The following HECTD2 variants were observed in gnomAD, a reference collection of about 807,000 sequenced individuals.
HECTD2 encodes probable E3 ubiquitin-protein ligase HECTD2.
In HECTD2, 35 loss-of-function variants were observed where a neutral mutation model predicts 103.2. That is an observed-to-expected ratio of 0.34 (90% CI 0.26 to 0.45). HECTD2 has a LOEUF of 0.45. Ranked by LOEUF, HECTD2 falls within the 20% of genes least tolerant of loss-of-function variation. HECTD2 has a pLI of 1.00. For synonymous variants in HECTD2, 281 were observed against 329.9 expected, an observed-to-expected ratio of 0.85 and a Z score of 1.61; for missense variants, 596 against 937.4, an observed-to-expected ratio of 0.64 and a Z score of 4.76.
chr10:91,469,437 G>A (rs1845648911), intron 5 of HECTD2, among the ~76,000 whole-genome samples: 1 of 152,188 alleles, frequency 6.6e-6, no homozygotes, highest in African/African-American at 2.4e-5. Flanking sequence ...AGAAGAGATT[G>A]GGAGCCTATA....
intron 20 of HECTD2, among the ~76,000 whole-genome samples, chr10:91,508,515 A>G (rs1390771184): frequency 6.6e-6 from 1 of 151,398 alleles, no homozygotes; most frequent in Admixed American, 6.6e-5. Flanking sequence ...CAAAAAACAC[A>G]TGAAAAAATG....
At chr10:91,497,271 C>T (rs1320056470) in intron 15 of HECTD2, among the ~76,000 whole-genome samples, 1 of 147,644 alleles carries the variant, frequency 6.8e-6, no homozygotes, top group African/African-American at 2.5e-5. Context: ...CCACTGAGCC[C>T]AGCCAGAAAA....
At chr10:91,413,626 A>G (rs1340836807) in intron 1 of HECTD2, among the ~76,000 whole-genome samples, 3 of 152,240 alleles carry the variant, frequency 2.0e-5, no homozygotes, top group East Asian at 3.8e-4. Flanking sequence ...TACTGAATCA[A>G]AAGCTCCATG....
In HECTD2 at chr10:91,435,922, C is replaced by T. The variant is rs540631230; in HGVS notation, c.268+10512C>T. On this transcript the variant is annotated intron_variant, in intron 2 of 20. Transcript: ENST00000298068. ...TTACTTGTATTTCTCTTCTCTTTTGCTTTATGATTTAGGGAATATTCTCAA... is the reference window on the plus strand; with the variant it reads ...TTACTTGTATTTCTCTTCTCTTTTGTTTTATGATTTAGGGAATATTCTCAA... 2.8e-4 allele frequency among the ~76,000 whole-genome samples: 42 copies of T among 151,930 alleles called. No individual in the cohort carries two copies. The South Asian group carries it at 6.6e-3, about 24-fold the overall frequency.
chr10:91,489,846 T>C (rs896093945), intron 11 of HECTD2: 2 of 152,214 alleles, frequency 1.3e-5, no homozygotes, highest in African/African-American at 2.4e-5. Context: ...TTTGTGATAC[T>C]AAAATTTTAT....
At chr10:91,475,406 G>A (rs775269289) in intron 5 of HECTD2, among the ~76,000 whole-genome samples, 17 of 152,162 alleles carry the variant, frequency 1.1e-4, no homozygotes, top group Non-Finnish European at 1.8e-4. Flanking sequence ...TAAGGCATTC[G>A]TGAAGGAGAG....
intron 11 of HECTD2, among the ~76,000 whole-genome samples, chr10:91,490,995 G>T (rs891687097): frequency 6.6e-6 from 1 of 150,494 alleles, no homozygotes; most frequent in Admixed American, 6.6e-5. Context: ...CTCCACTTTG[G>T]ATCCCCTTTG....
intron 12 of HECTD2, 45 bp downstream of exon 12, chr10:91,491,352 A>G: frequency 1.2e-6 from 1 of 865,630 alleles, no homozygotes; most frequent in East Asian, 2.8e-5. Context: ...TTAAAATTCT[A>G]TAATATGATT....
intron 5 of HECTD2, 51 bp from the exon 6 acceptor site, chr10:91,478,150 G>C: frequency 8.7e-7 from 1 of 1,154,178 alleles, no homozygotes; most frequent in Non-Finnish European, 1.3e-6. Flanking sequence ...ACATATAAAC[G>C]TCACCTAATT....
chr10:91,462,714 T>C, intron 5 of HECTD2: 1 of 987,160 alleles, frequency 1.0e-6, no homozygotes, highest in Non-Finnish European at 1.2e-6. Flanking sequence ...TAAGTGGGAA[T>C]GATAAAGACA....
intron 5 of HECTD2, among the ~76,000 whole-genome samples, chr10:91,470,102 A>G (rs539346016): frequency 6.6e-6 from 1 of 152,352 alleles, no homozygotes; most frequent in Non-Finnish European, 1.5e-5. Flanking sequence ...AGAGACTTAG[A>G]TAACCACACA....
intron 7 of HECTD2, among the ~76,000 whole-genome samples, chr10:91,482,015 G>A (rs879265030): frequency 1.3e-5 from 2 of 151,698 alleles, no homozygotes; most frequent in African/African-American, 4.8e-5. Flanking sequence ...AGGGAAAATA[G>A]AGAAGTAAGA....
In HECTD2 at chr10:91,462,201, G is replaced by A; in HGVS notation, c.600+17G>A. On this transcript the variant is annotated intron_variant, in intron 5 of 20. Coordinates refer to ENST00000298068, the MANE Select transcript of HECTD2 (RefSeq NM_182765.6). ...CTTAATACTGTAAGTATTATGACAT[G>A]CAAGTAATATTATTCTGTGTCTCTT... The A allele has an allele frequency of 6.4e-7, 1 of 1,567,090 alleles. No homozygotes were observed. The highest frequency in any genetic ancestry group is 8.7e-7 in the Non-Finnish European group (1 of 1,151,456).
intron 2 of HECTD2, among the ~76,000 whole-genome samples, chr10:91,457,082 A>G (rs1158591211): frequency 1.3e-5 from 2 of 152,158 alleles, no homozygotes; most frequent in Admixed American, 6.6e-5. Context: ...AAGTGGACCA[A>G]TTCCTCAAAA....
chr10:91,457,473 A>C (rs1845156979), intron 2 of HECTD2, among the ~76,000 whole-genome samples: 1 of 152,086 alleles, frequency 6.6e-6, no homozygotes, highest in African/African-American at 2.4e-5. Flanking sequence ...CACCATGACC[A>C]AAAGGTCACT....
At chr10:91,496,087 AT>A (rs1846652740) in intron 14 of HECTD2, 126 bp from the exon 15 acceptor site, 3 of 533,570 alleles carry the variant, frequency 5.6e-6, no homozygotes, top group Non-Finnish European at 9.8e-6. Context: ...GAAAGGAAAT[AT>A]GTGATACTAA....
intron 20 of HECTD2, among the ~76,000 whole-genome samples, chr10:91,501,728 G>A (rs965801087): frequency 6.6e-6 from 1 of 151,082 alleles, no homozygotes; most frequent in Non-Finnish European, 1.5e-5. Flanking sequence ...TTTTCTAGGG[G>A]GTTGGGGGAT....
In HECTD2 at chr10:91,485,375, T is replaced by TTA; in HGVS notation, c.1094+76_1094+77dup. On this transcript the variant is annotated intron_variant, in intron 10 of 20. Coordinates refer to ENST00000298068, the MANE Select transcript of HECTD2 (RefSeq NM_182765.6). ...TCAAAAGAATGACTAGAGTTTAAGT[T>TTA]TATATGAAGTTTACACATACGTTTA... The TTA allele has an allele frequency of 3.4e-6, 4 of 1,173,790 alleles. No individual in the cohort carries two copies. In the South Asian group the frequency reaches 5.8e-5, roughly 17 times the overall value. 72.7% of individuals were successfully genotyped at this position (1,173,790 alleles called of 1,614,324 possible). A position where few individuals can be genotyped will look rare whatever the true frequency, so the allele number is the denominator to read the frequency against.
chr10:91,513,475 C>G lies in HECTD2; in HGVS notation c.*1091C>G, dbSNP rs1847503190. The G allele has an allele frequency of 6.6e-6, 1 of 152,502 alleles. No homozygotes were observed. Among genetic ancestry groups the G allele is most frequent in the African/African-American group, 2.4e-5 (1 of 41,386 alleles). 9.4% of individuals were successfully genotyped at this position (152,502 alleles called of 1,614,324 possible). On this transcript the variant is annotated 3_prime_UTR_variant, in exon 21 of 21. Transcript: ENST00000298068. ...TTTTGGCCAAAATGTTTGTTTTTCA[C>G]TGGATTCTGAATATAATAAATTCAA...
Sources: allele counts gnomAD v4.1 joint callset (sites outside exome capture counted in the v4.1 genomes callset), GRCh38; gene constraint gnomAD v4.1.1; transcripts MANE v1.5; gene names NCBI Gene and HGNC (gene_info 2026-07-23, HGNC 2026-07-21).